Variants in LRRIQ3 observed in about 807,000 individuals in gnomAD.
LRRIQ3 encodes leucine-rich repeat and IQ domain-containing protein 3.
LRRIQ3 carries 75 observed loss-of-function variants against 59.3 expected under a neutral mutation model. The observed-to-expected ratio is 1.26, with a 90% CI of 1.05 to 1.53. LRRIQ3 has a LOEUF of 1.53. LRRIQ3 is among the 40% of genes most tolerant of loss of function. The probability of loss-of-function intolerance (pLI) is 0.00; values close to 1 mark genes in which losing one functional copy is unlikely to be tolerated. For synonymous variants in LRRIQ3, 250 were observed against 231.3 expected (o/e 1.08, Z -0.73); for missense variants, 831 against 710.0 (o/e 1.17, Z -1.94).
chr1:74,031,890 A>G (rs945138117), intron 7 of LRRIQ3, among the ~76,000 whole-genome samples: 1 of 152,152 alleles, frequency 6.6e-6, no homozygotes, highest in African/African-American at 2.4e-5. Context: ...CACTGTGACC[A>G]GAAAAGCATA....
At chr1:74,139,971 A>G (rs929098164) in intron 4 of LRRIQ3, among the ~76,000 whole-genome samples, 3 of 151,916 alleles carry the variant, frequency 2.0e-5, no homozygotes, top group African/African-American at 7.2e-5. Context: ...GAAAACATAC[A>G]ACAATAAAAA....
chr1:74,070,990 A>G (rs1379633216), intron 6 of LRRIQ3, among the ~76,000 whole-genome samples: 1 of 150,606 alleles, frequency 6.6e-6, no homozygotes, highest in Non-Finnish European at 1.5e-5. Flanking sequence ...ATATATATAT[A>G]TAACTGATTC....
rs1648176929 is a variant in LRRIQ3, at chr1:74,154,240, C to CAAACAAAAAAAAAAAAAAA, written c.707+1492_707+1493insTTTTTTTTTTTTTTTGTTT. Among the ~76,000 whole-genome samples the CAAACAAAAAAAAAAAAAAA allele has an allele frequency of 1.2e-4, 7 of 57,278 alleles. 1 individual carries two copies. Among genetic ancestry groups the CAAACAAAAAAAAAAAAAAA allele is most frequent in the African/African-American group, 5.1e-4 (7 of 13,730 alleles). The allele number at this position is 57,278 out of a possible 152,430, so 37.6% of individuals were successfully genotyped here. On this transcript the variant is annotated intron_variant, in intron 4 of 7. Coordinates refer to ENST00000354431, the MANE Select transcript of LRRIQ3 (RefSeq NM_001105659.2). ...TGGGCGACAGAGCGAGACTCCTTCT[C>CAAACAAAAAAAAAAAAAAA]AAAAAAAAAAAAAAAAAAAAAAAAA...
intron 4 of LRRIQ3, among the ~76,000 whole-genome samples, chr1:74,133,411 A>T (rs1431844577): frequency 2.0e-5 from 3 of 152,080 alleles, no homozygotes; most frequent in African/African-American, 7.2e-5. Context: ...ACACATGCAC[A>T]TGTATGTTTA....
intron 5 of LRRIQ3, chr1:74,078,563 G>A (rs1646235248): frequency 6.6e-6 from 1 of 151,836 alleles, no homozygotes; most frequent in Non-Finnish European, 1.5e-5. Flanking sequence ...ATACGTTTTA[G>A]TTAAAAGTAA....
chr1:74,152,037 T>C (rs557273342), intron 4 of LRRIQ3, among the ~76,000 whole-genome samples: 1 of 152,148 alleles, frequency 6.6e-6, no homozygotes, highest in South Asian at 2.1e-4. Flanking sequence ...ACAATATCAT[T>C]GTAGACAATG....
At chr1:74,112,532 G>A (rs1371750281) in intron 4 of LRRIQ3, among the ~76,000 whole-genome samples, 1 of 152,104 alleles carries the variant, frequency 6.6e-6, no homozygotes, top group Non-Finnish European at 1.5e-5. Flanking sequence ...ATCAGACAGT[G>A]GGTCAATTTA....
At chr1:74,121,030 T>C (rs1284118200) in intron 4 of LRRIQ3, among the ~76,000 whole-genome samples, 1 of 152,152 alleles carries the variant, frequency 6.6e-6, no homozygotes, top group Non-Finnish European at 1.5e-5. Context: ...GAATTAAAAT[T>C]GTACCAACCT....
chr1:74,048,237 T>A (rs1654261242), intron 6 of LRRIQ3, among the ~76,000 whole-genome samples: 1 of 152,192 alleles, frequency 6.6e-6, no homozygotes, highest in Non-Finnish European at 1.5e-5. Context: ...AGTGTGTTAT[T>A]AATGGATAAT....
intron 4 of LRRIQ3, 138 bp from the exon 5 acceptor site, chr1:74,109,691 G>A: frequency 4.9e-6 from 3 of 606,666 alleles, no homozygotes; most frequent in Non-Finnish European, 7.7e-6. Flanking sequence ...TCATAGTAGT[G>A]TTATATAATG....
chr1:74,064,958 T>C (rs1654827571), intron 6 of LRRIQ3, among the ~76,000 whole-genome samples: 1 of 152,118 alleles, frequency 6.6e-6, no homozygotes, highest in African/African-American at 2.4e-5. Flanking sequence ...CTTAAATGTG[T>C]AGAATACAGT....
intron 6 of LRRIQ3, among the ~76,000 whole-genome samples, chr1:74,051,119 G>A (rs1481869341): frequency 6.6e-6 from 1 of 152,092 alleles, no homozygotes; most frequent in East Asian, 1.9e-4. Context: ...CTGAAAATTA[G>A]ACATTCTGTA....
intron 3 of LRRIQ3, chr1:74,180,600 A>T (rs188392793): frequency 1.1e-6 from 1 of 940,284 alleles, no homozygotes; most frequent in East Asian, 2.8e-5. Flanking sequence ...GAGTATTTCC[A>T]CACTTATTCT....
chr1:74,120,077 TA>T (rs551232318), intron 4 of LRRIQ3, among the ~76,000 whole-genome samples: 194 of 151,990 alleles, frequency 1.3e-3, no homozygotes, highest in African/African-American at 4.6e-3. Context: ...TATTATTTGA[TA>T]AAAATTATTA....
At chr1:74,118,703 G>T (rs565059684) in intron 4 of LRRIQ3, among the ~76,000 whole-genome samples, 69 of 152,150 alleles carry the variant, frequency 4.5e-4, no homozygotes, top group South Asian at 1.7e-3. Context: ...TATATATATA[G>T]AGAGAGAGCA....
intron 4 of LRRIQ3, among the ~76,000 whole-genome samples, chr1:74,124,365 A>C (rs891178045): frequency 1.3e-5 from 2 of 151,836 alleles, no homozygotes; most frequent in Non-Finnish European, 2.9e-5. Flanking sequence ...CTTTAACTTT[A>C]TGTGATCCCA....
chr1:74,120,621 A>C (rs1557625009), intron 4 of LRRIQ3, among the ~76,000 whole-genome samples: 2 of 151,906 alleles, frequency 1.3e-5, no homozygotes, highest in East Asian at 3.8e-4. Flanking sequence ...ATAATAATCT[A>C]ATTTCTTTCT....
chr1:74,063,047 A>T (rs974279556), intron 6 of LRRIQ3, among the ~76,000 whole-genome samples: 1 of 146,690 alleles, frequency 6.8e-6, no homozygotes, highest in African/African-American at 2.5e-5. Flanking sequence ...GTCCTAAAAT[A>T]ACAACCACTA....
At chr1:74,053,034 T>A (rs1431190610) in intron 6 of LRRIQ3, among the ~76,000 whole-genome samples, 1 of 151,908 alleles carries the variant, frequency 6.6e-6, no homozygotes, top group African/African-American at 2.4e-5. Flanking sequence ...GACAAATAGA[T>A]CAATGGAACA....
Sources: allele counts gnomAD v4.1 joint callset (sites outside exome capture counted in the v4.1 genomes callset), GRCh38; gene constraint gnomAD v4.1.1; transcripts MANE v1.5; gene names NCBI Gene and HGNC (gene_info 2026-07-23, HGNC 2026-07-21).